The following WDR41 variants were observed in gnomAD, a reference collection of about 807,000 sequenced individuals.
WDR41 encodes the protein WD repeat domain 41, also known as WD repeat-containing protein 41.
Under a neutral mutation model 69.3 loss-of-function variants are expected in WDR41, and 63 were observed. That is an observed-to-expected ratio of 0.91 (90% CI 0.74 to 1.12). WDR41 has a LOEUF of 1.12. Ranked by LOEUF, WDR41 falls within the 50% of genes most tolerant of loss-of-function variation. The pLI is 0.00. For synonymous variants in WDR41, 185 were observed against 192.1 expected, an observed-to-expected ratio of 0.96 and a Z score of 0.31; for missense variants, 543 against 534.5, an observed-to-expected ratio of 1.02 and a Z score of -0.16.
At chr5:77,616,107 T>A (rs1393756725) in intron 1 of WDR41, among the ~76,000 whole-genome samples, 3 of 151,884 alleles carry the variant, frequency 2.0e-5, no homozygotes, top group East Asian at 1.9e-4. Context: ...AAACTTTATA[T>A]AAACCCACTC....
rs1056105325 is a variant in WDR41 at position 77,432,485 on chromosome 5, G to A, written c.*650C>T. On this transcript the variant is annotated 3_prime_UTR_variant, in exon 13 of 13. Coordinates refer to ENST00000296679, the MANE Select transcript of WDR41 (RefSeq NM_018268.4). Reference sequence around the variant, plus strand: ...TTGGCGTACATGAGGGGCAGTTGTTGTTCTAGTACCCATTTAGCCCATGGC... The same window carrying A: ...TTGGCGTACATGAGGGGCAGTTGTTATTCTAGTACCCATTTAGCCCATGGC... The A allele has an allele frequency of 6.6e-6, 1 of 152,392 alleles. No individual in the cohort carries two copies. The highest frequency in any genetic ancestry group is 1.5e-5 in the Non-Finnish European group (1 of 68,054). 9.4% of individuals were successfully genotyped at this position (152,392 alleles called of 1,614,324 possible).
At chr5:77,563,469 T>A (rs1004112954) in intron 1 of WDR41, among the ~76,000 whole-genome samples, 38 of 152,168 alleles carry the variant, frequency 2.5e-4, no homozygotes, top group African/African-American at 8.7e-4. Flanking sequence ...ACAGTGTAAG[T>A]CACAGGATAT....
chr5:77,600,560 CT>C (rs1308689153), intron 1 of WDR41, among the ~76,000 whole-genome samples: 1 of 152,026 alleles, frequency 6.6e-6, no homozygotes, highest in Non-Finnish European at 1.5e-5. Context: ...AGCTGTATAT[CT>C]AAAAAAAATT....
At position 77,512,355 on chromosome 5, in the gene WDR41, AGTGTGTGTGTGTGTGTGTGT is replaced by A. The variant is rs111485869; in HGVS notation, c.43-22803_43-22784del. On this transcript the variant is annotated intron_variant, in intron 1 of 5. Coordinates refer to the WDR41 transcript ENST00000509971. The stretch of plus-strand genomic sequence containing the variant: ...GTGAGAGAGAGAGAGAGAGAGAGTG[AGTGTGTGTGTGTGTGTGTGT>A]GTGTGTGTGTGTGTGTGTGTGTGTG... Among the ~76,000 whole-genome samples, 11 of 119,392 alleles carry A rather than the reference AGTGTGTGTGTGTGTGTGTGT, an allele frequency of 9.2e-5. No individual in the cohort carries two copies. The East Asian group carries it at 2.0e-3, about 21-fold the overall frequency. The allele number at this position is 119,392 out of a possible 152,430, so 78.3% of individuals were successfully genotyped here.
At chr5:77,490,183 T>G (rs557649001) in intron 1 of WDR41, among the ~76,000 whole-genome samples, 1 of 152,290 alleles carries the variant, frequency 6.6e-6, no homozygotes, top group Non-Finnish European at 1.5e-5. Flanking sequence ...AGACTGGTCT[T>G]GAATTCCTGA....
At chr5:77,580,221 G>A (rs755663281) in intron 1 of WDR41, among the ~76,000 whole-genome samples, 1 of 152,092 alleles carries the variant, frequency 6.6e-6, no homozygotes. Flanking sequence ...TAATTTATAA[G>A]GAAAAGAGGT....
chr5:77,521,791 G>A (rs1294502030), intron 1 of WDR41, among the ~76,000 whole-genome samples: 1 of 152,088 alleles, frequency 6.6e-6, no homozygotes, highest in African/African-American at 2.4e-5. Flanking sequence ...CTGCCATGCT[G>A]CCCCCAGAAG....
At chr5:77,435,721 T>G (rs994434280) in intron 12 of WDR41, among the ~76,000 whole-genome samples, 1 of 152,236 alleles carries the variant, frequency 6.6e-6, no homozygotes, top group African/African-American at 2.4e-5. Context: ...CAAATATTAA[T>G]GTATCTGGAT....
chr5:77,564,579 C>T (rs1026472492), intron 1 of WDR41, among the ~76,000 whole-genome samples: 3 of 152,120 alleles, frequency 2.0e-5, no homozygotes, highest in Non-Finnish European at 4.4e-5. Context: ...CCTTTCCTGG[C>T]TGAAATCCTT....
intron 2 of WDR41, among the ~76,000 whole-genome samples, chr5:77,471,073 T>A (rs1439827435): frequency 1.3e-5 from 2 of 152,146 alleles, no homozygotes; most frequent in Non-Finnish European, 2.9e-5. Flanking sequence ...TATAACAAAA[T>A]GTCTCTCAGA....
intron 1 of WDR41, among the ~76,000 whole-genome samples, chr5:77,510,926 C>T (rs1032485069): frequency 3.3e-5 from 5 of 151,776 alleles, no homozygotes; most frequent in African/African-American, 1.2e-4. Context: ...CACATACCAC[C>T]ACACTCAGCT....
At chr5:77,456,823 T>C (rs1799853396) in intron 5 of WDR41, among the ~76,000 whole-genome samples, 1 of 152,154 alleles carries the variant, frequency 6.6e-6, no homozygotes, top group Non-Finnish European at 1.5e-5. Context: ...CACCTCAGCC[T>C]CCCAAATAAC....
chr5:77,609,705 G>A (rs1456917148), intron 1 of WDR41, among the ~76,000 whole-genome samples: 1 of 151,990 alleles, frequency 6.6e-6, no homozygotes, highest in Non-Finnish European at 1.5e-5. Flanking sequence ...CAAAGATGGG[G>A]AAAAAACAGA....
intron 1 of WDR41, among the ~76,000 whole-genome samples, chr5:77,595,923 G>A (rs1025746776): frequency 6.6e-6 from 1 of 152,086 alleles, no homozygotes; most frequent in African/African-American, 2.4e-5. Flanking sequence ...AAATGCCAGT[G>A]GTCCTGAGCA....
At chr5:77,479,349 G>C (rs1460876297) in intron 2 of WDR41, among the ~76,000 whole-genome samples, 2 of 152,010 alleles carry the variant, frequency 1.3e-5, no homozygotes, top group Non-Finnish European at 2.9e-5. Context: ...AACCAAAAAA[G>C]AGCCCGCATC....
intron 2 of WDR41, among the ~76,000 whole-genome samples, chr5:77,479,013 G>A (rs1417939469): frequency 6.6e-6 from 1 of 151,848 alleles, no homozygotes; most frequent in Non-Finnish European, 1.5e-5. Flanking sequence ...AAAATCACAA[G>A]CATTCTTATA....
intron 2 of WDR41, among the ~76,000 whole-genome samples, chr5:77,468,825 T>C (rs932977574): frequency 6.6e-5 from 10 of 152,188 alleles, no homozygotes; most frequent in Non-Finnish European, 1.2e-4. Context: ...ACAGTTTCCA[T>C]GATCATCTCA....
intron 1 of WDR41, among the ~76,000 whole-genome samples, chr5:77,537,472 A>G (rs1743008552): frequency 6.6e-6 from 1 of 152,220 alleles, no homozygotes; most frequent in African/African-American, 2.4e-5. Context: ...GGGTAGGTAT[A>G]ATGAGCAAGC....
chr5:77,479,080 A>C (rs917220924), intron 2 of WDR41, among the ~76,000 whole-genome samples: 2,746 of 152,120 alleles, frequency 0.018, 69 homozygotes, highest in African/African-American at 0.063. Context: ...CAATTGCTTC[A>C]AAGAGAATAA....
Sources: allele counts gnomAD v4.1 joint callset (sites outside exome capture counted in the v4.1 genomes callset), GRCh38; gene constraint gnomAD v4.1.1; transcripts MANE v1.5; gene names NCBI Gene and HGNC (gene_info 2026-07-23, HGNC 2026-07-21).